Variants in GABRA5 observed in about 807,000 individuals in gnomAD.
GABRA5 encodes gamma-aminobutyric acid receptor subunit alpha-5.
Under a neutral mutation model 47.3 loss-of-function variants are expected in GABRA5, and 18 were observed. That is an observed-to-expected ratio of 0.38 (90% confidence interval 0.26 to 0.56). The LOEUF (loss-of-function observed/expected upper bound fraction) is 0.56. Ranked by LOEUF, GABRA5 falls within the 20% of genes least tolerant of loss-of-function variation. GABRA5 has a pLI of 0.71. For synonymous variants in GABRA5, 237 were observed against 229.3 expected (o/e 1.03, Z -0.30); for missense variants, 365 against 599.3 (o/e 0.61, Z 4.08).
chr15:26,947,582 T>C (rs1894542216), intron 10 of GABRA5, among the ~76,000 whole-genome samples: 2 of 152,216 alleles, frequency 1.3e-5, no homozygotes, highest in Non-Finnish European at 2.9e-5. Flanking sequence ...ATGGTGTATA[T>C]GTACCACACT....
intron 6 of GABRA5, among the ~76,000 whole-genome samples, chr15:26,898,833 T>C (rs1004974588): frequency 6.6e-6 from 1 of 152,148 alleles, no homozygotes; most frequent in Non-Finnish European, 1.5e-5. Flanking sequence ...AGCTATAAAT[T>C]TGACTCCAGG....
chr15:26,868,121 G>T (rs574384135), intron 1 of GABRA5: 14 of 152,076 alleles, frequency 9.2e-5, no homozygotes, highest in African/African-American at 3.4e-4. Context: ...TGGGGGTCCG[G>T]AGGGTCGTGG....
At chr15:26,904,700 C>A (rs1271348214) in intron 6 of GABRA5, among the ~76,000 whole-genome samples, 3 of 151,994 alleles carry the variant, frequency 2.0e-5, no homozygotes, top group Admixed American at 2.0e-4. Flanking sequence ...AGCTGTATTC[C>A]TAGGTATTTC....
At chr15:26,941,223 A>G (rs1170985408) in intron 9 of GABRA5, among the ~76,000 whole-genome samples, 1 of 152,074 alleles carries the variant, frequency 6.6e-6, no homozygotes, top group Non-Finnish European at 1.5e-5. Context: ...TCCCCAAGTT[A>G]ATGTGCCTGA....
At chr15:26,879,041 G>T (rs1161475728) in intron 3 of GABRA5, among the ~76,000 whole-genome samples, 1 of 152,142 alleles carries the variant, frequency 6.6e-6, no homozygotes, top group Non-Finnish European at 1.5e-5. Context: ...GGACAGCCAG[G>T]GCTGTTACCA....
chr15:26,869,989 C>T (rs1457094075), intron 3 of GABRA5, among the ~76,000 whole-genome samples: 1 of 152,224 alleles, frequency 6.6e-6, no homozygotes, highest in Non-Finnish European at 1.5e-5. Flanking sequence ...TGATAACCCA[C>T]ATCGTGGATG....
chr15:26,883,607 C>A lies in GABRA5; in HGVS notation c.497+50C>A, dbSNP rs1409153542. 7 of 1,382,142 alleles carry A rather than the reference C, an allele frequency of 5.1e-6. No homozygotes were observed. The highest frequency in any genetic ancestry group is 6.8e-6 in the Non-Finnish European group (7 of 1,029,452). 85.6% of individuals were successfully genotyped at this position (1,382,142 alleles called of 1,614,324 possible). ...GGGCCGGGGGACGGTGCGGGGCAGG[C>A]GCGGCTGCCCATCCTGCCGCAAGAG... On this transcript the variant is annotated intron_variant, in intron 6 of 10. Coordinates refer to ENST00000335625, the MANE Select transcript of GABRA5 (RefSeq NM_000810.4). The surrounding 1 kb of genome is among the most constrained non-coding windows in gnomAD (Gnocchi z 4.8).
chr15:26,920,180 T>TTTGTTG (rs961511746), intron 7 of GABRA5, among the ~76,000 whole-genome samples: 4 of 151,972 alleles, frequency 2.6e-5, no homozygotes, highest in Admixed American at 6.6e-5. Context: ...TAAATAAGCT[T>TTTGTTG]TTGTTGTTGT....
chr15:26,894,013 G>GT (rs906709182), intron 6 of GABRA5, among the ~76,000 whole-genome samples: 21 of 152,074 alleles, frequency 1.4e-4, no homozygotes, highest in African/African-American at 4.8e-4. Flanking sequence ...GGAGTGTTAG[G>GT]TCGAGGACTG....
chr15:26,870,811 G>A (rs1242923321), intron 3 of GABRA5, among the ~76,000 whole-genome samples: 2 of 152,242 alleles, frequency 1.3e-5, no homozygotes, highest in Non-Finnish European at 2.9e-5. Context: ...GCATTAGGTA[G>A]TTGGTTTGTT....
intron 6 of GABRA5, among the ~76,000 whole-genome samples, chr15:26,911,392 C>T (rs958087852): frequency 1.4e-5 from 2 of 147,774 alleles, no homozygotes; most frequent in African/African-American, 5.0e-5. Context: ...CACACACACA[C>T]ACACAAACAC....
intron 6 of GABRA5, among the ~76,000 whole-genome samples, chr15:26,898,751 T>C (rs1893258562): frequency 6.6e-6 from 1 of 151,344 alleles, no homozygotes; most frequent in African/African-American, 2.4e-5. Flanking sequence ...TTTTCTAATG[T>C]GTAAAGTTCC....
intron 6 of GABRA5, among the ~76,000 whole-genome samples, chr15:26,889,683 C>A (rs141553022): frequency 6.6e-6 from 1 of 152,288 alleles, no homozygotes; most frequent in African/African-American, 2.4e-5. Context: ...AAGCTTCTTT[C>A]ATGAAACCAG....
intron 10 of GABRA5, among the ~76,000 whole-genome samples, chr15:26,944,004 G>T (rs1595438823): frequency 6.6e-6 from 1 of 152,188 alleles, no homozygotes; most frequent in Non-Finnish European, 1.5e-5. Flanking sequence ...GGGGAGATAA[G>T]AATAACATTC....
intron 3 of GABRA5, among the ~76,000 whole-genome samples, chr15:26,872,174 C>A (rs576731426): frequency 2.0e-5 from 3 of 152,200 alleles, no homozygotes; most frequent in Non-Finnish European, 4.4e-5. Flanking sequence ...ATAATTGTGT[C>A]AAATCCCGAT....
chr15:26,921,914 T>C (rs549572896), intron 7 of GABRA5, among the ~76,000 whole-genome samples: 1 of 152,298 alleles, frequency 6.6e-6, no homozygotes, highest in Admixed American at 6.5e-5. Context: ...GTTATCTTTT[T>C]GTCATTGACT....
chr15:26,878,887 G>A (rs1464584249), intron 3 of GABRA5, among the ~76,000 whole-genome samples: 1 of 152,168 alleles, frequency 6.6e-6, no homozygotes, highest in East Asian at 1.9e-4. Flanking sequence ...GAGCCCAGTG[G>A]GATGGTGTTT....
intron 3 of GABRA5, among the ~76,000 whole-genome samples, chr15:26,877,370 T>C (rs1468282210): frequency 1.3e-5 from 2 of 152,212 alleles, no homozygotes; most frequent in Non-Finnish European, 2.9e-5. Context: ...TGGTGCCATT[T>C]AGAGGTACTC....
At chr15:26,900,487 G>A (rs1893301023) in intron 6 of GABRA5, among the ~76,000 whole-genome samples, 1 of 151,884 alleles carries the variant, frequency 6.6e-6, no homozygotes, top group African/African-American at 2.4e-5. Flanking sequence ...TTTATTATAT[G>A]GCAAGTCTTA....
Sources: gnomAD v4.1 joint callset for allele counts (sites outside exome capture counted in the v4.1 genomes callset) on GRCh38, gnomAD v4.1.1 for gene constraint, Gnocchi (gnomAD v3.1) non-coding constraint, MANE v1.5 for transcripts, NCBI Gene and HGNC (gene_info 2026-07-23, HGNC 2026-07-21) for gene names.